Variants in PPP1R1C observed in about 807,000 individuals in gnomAD.
The protein encoded by PPP1R1C is protein phosphatase 1 regulatory inhibitor subunit 1C.
A neutral mutation model predicts 17.4 loss-of-function variants in PPP1R1C; 15 were observed. The ratio of observed to expected loss-of-function variants is 0.86; its 90% CI spans 0.58 to 1.33. The LOEUF (loss-of-function observed/expected upper bound fraction) is 1.33. Among genes scored for constraint, PPP1R1C ranks in the 40% most tolerant of loss-of-function variants. The pLI is 0.00. For missense variants in PPP1R1C, 143 were observed against 130.0 expected, an observed-to-expected ratio of 1.10 and a Z score of -0.48; for synonymous variants, 35 against 43.1, an observed-to-expected ratio of 0.81 and a Z score of 0.73.
chr2:182,100,897 C>T (rs1298017513), intron 4 of PPP1R1C, among the ~76,000 whole-genome samples: 1 of 152,162 alleles, frequency 6.6e-6, no homozygotes, highest in Non-Finnish European at 1.5e-5. Flanking sequence ...TCCCAATGGT[C>T]AGAGGACAAG....
intron 1 of PPP1R1C, 22 bp downstream of exon 1, chr2:181,986,213 A>G (rs772484585): frequency 3.9e-6 from 6 of 1,558,098 alleles, no homozygotes. Context: ...TGCATGGAGA[A>G]CCATTCCTGT....
chr2:182,027,859 T>G (rs1345250884), intron 2 of PPP1R1C, among the ~76,000 whole-genome samples: 1 of 137,154 alleles, frequency 7.3e-6, no homozygotes, highest in Non-Finnish European at 1.6e-5. Context: ...TTTTGGTTGG[T>G]AAACTATTGA....
At chr2:182,040,768 T>C (rs1687157897) in intron 2 of PPP1R1C, among the ~76,000 whole-genome samples, 1 of 152,346 alleles carries the variant, frequency 6.6e-6, no homozygotes, top group Middle Eastern at 3.4e-3. Context: ...GGTTATCTTA[T>C]AGAATTTTTA....
In PPP1R1C at chr2:182,110,673, A is replaced by G. The variant is rs578233725; in HGVS notation, c.242-6534A>G. Among the ~76,000 whole-genome samples, 7 of 151,990 alleles carry G rather than the reference A, an allele frequency of 4.6e-5. No individual in the cohort carries two copies. The South Asian group carries it at 1.5e-3, about 32-fold the overall frequency. On this transcript the variant is annotated intron_variant, in intron 4 of 4. Coordinates refer to ENST00000682840, the MANE Select transcript of PPP1R1C (RefSeq NM_001080545.3). ...ATTTGCTTCTGTGGCTGTAAATGCA[A>G]CTCTCCTTTTGTTATTTTATTTTTA...
At chr2:182,030,253 T>C (rs1252509818) in intron 2 of PPP1R1C, among the ~76,000 whole-genome samples, 2 of 152,248 alleles carry the variant, frequency 1.3e-5, no homozygotes, top group Non-Finnish European at 2.9e-5. Flanking sequence ...CCATTGCTGG[T>C]GAAGAACTGC....
chr2:182,023,052 G>C (rs1040521522), intron 2 of PPP1R1C, among the ~76,000 whole-genome samples: 1 of 152,132 alleles, frequency 6.6e-6, no homozygotes, highest in South Asian at 2.1e-4. Flanking sequence ...AAATGGAATA[G>C]CAACTTTGTA....
At chr2:182,119,646 C>T (rs1689682762), downstream of PPP1R1C, among the ~76,000 whole-genome samples, 1 of 152,198 alleles carries the variant, frequency 6.6e-6, no homozygotes, top group Non-Finnish European at 1.5e-5. Context: ...TTGCATTTCT[C>T]TGATGGCCAG....
At chr2:182,017,787 T>C (rs1021426573) in intron 2 of PPP1R1C, among the ~76,000 whole-genome samples, 1 of 152,104 alleles carries the variant, frequency 6.6e-6, no homozygotes, top group African/African-American at 2.4e-5. Context: ...GCAGAACATG[T>C]TGTTTTCATA....
At chr2:182,070,662 G>A (rs1161741522) in intron 4 of PPP1R1C, among the ~76,000 whole-genome samples, 1 of 152,052 alleles carries the variant, frequency 6.6e-6, no homozygotes, top group African/African-American at 2.4e-5. Flanking sequence ...AGTTATAATT[G>A]GTAAATCAAT....
At chr2:182,095,436 A>C (rs2125224077) in intron 4 of PPP1R1C, among the ~76,000 whole-genome samples, 1 of 152,368 alleles carries the variant, frequency 6.6e-6, no homozygotes, top group East Asian at 1.9e-4. Context: ...AAGAAGATGT[A>C]GCCATATGGT....
At chr2:182,049,131 G>A (rs1687431205) in intron 2 of PPP1R1C, among the ~76,000 whole-genome samples, 2 of 152,048 alleles carry the variant, frequency 1.3e-5, no homozygotes, top group Middle Eastern at 3.4e-3. Flanking sequence ...TCATGAGTTC[G>A]ACACCAATCT....
chr2:182,081,713 C>T (rs527562264), intron 4 of PPP1R1C, among the ~76,000 whole-genome samples: 1 of 152,194 alleles, frequency 6.6e-6, no homozygotes, highest in African/African-American at 2.4e-5. Context: ...ATAATAAAAA[C>T]TCCTGCACTT....
At chr2:181,956,360 C>T (rs1437895413) in intron 1 of PPP1R1C, among the ~76,000 whole-genome samples, 1 of 152,178 alleles carries the variant, frequency 6.6e-6, no homozygotes, top group Non-Finnish European at 1.5e-5. Context: ...AATAAACATA[C>T]GTGTGCATGT....
chr2:182,028,284 G>C (rs1231871047), intron 2 of PPP1R1C, among the ~76,000 whole-genome samples: 4 of 132,662 alleles, frequency 3.0e-5, no homozygotes, highest in African/African-American at 1.2e-4. Context: ...TGCTTTTCTA[G>C]TTCTTTTAAT....
chr2:182,099,998 T>C (rs1457082280), intron 4 of PPP1R1C, among the ~76,000 whole-genome samples: 1 of 151,982 alleles, frequency 6.6e-6, no homozygotes, highest in African/African-American at 2.4e-5. Context: ...AAAAAAAAAG[T>C]CCCAAACTTT....
At chr2:181,978,705 G>C (rs1430666784) in intron 2 of PPP1R1C, among the ~76,000 whole-genome samples, 1 of 152,090 alleles carries the variant, frequency 6.6e-6, no homozygotes, top group Non-Finnish European at 1.5e-5. Flanking sequence ...TCAGTAGTCA[G>C]GAAGCATCAC....
At chr2:181,979,029 G>T (rs1685147624) in intron 2 of PPP1R1C, among the ~76,000 whole-genome samples, 1 of 151,992 alleles carries the variant, frequency 6.6e-6, no homozygotes, top group South Asian at 2.1e-4. Flanking sequence ...CAGTTTTCAT[G>T]AATTACCTCT....
chr2:182,054,638 A>G (rs1687627374), intron 2 of PPP1R1C, among the ~76,000 whole-genome samples: 1 of 150,896 alleles, frequency 6.6e-6, no homozygotes, highest in Admixed American at 6.7e-5. Flanking sequence ...CCACTGTGCC[A>G]ATGTGTGTGT....
chr2:182,116,459 A>ATG (rs1491524772), intron 4 of PPP1R1C, among the ~76,000 whole-genome samples: 5 of 152,192 alleles, frequency 3.3e-5, no homozygotes, highest in South Asian at 4.2e-4. Flanking sequence ...GGAGATTATC[A>ATG]TGTGTGTGTG....
Sources: allele counts gnomAD v4.1 joint callset (sites outside exome capture counted in the v4.1 genomes callset), GRCh38; gene constraint gnomAD v4.1.1; transcripts MANE v1.5; gene names NCBI Gene and HGNC (gene_info 2026-07-23, HGNC 2026-07-21).